SPATC1L: variants seen among roughly 807,000 people sequenced by gnomAD.
SPATC1L encodes spermatogenesis and centriole associated 1 like.
A neutral mutation model predicts 21.2 loss-of-function variants in SPATC1L; 20 were observed. That is an observed-to-expected ratio of 0.94 (90% confidence interval 0.66 to 1.37). The LOEUF (loss-of-function observed/expected upper bound fraction) is 1.37, where lower values mean the gene tolerates loss of function less well. SPATC1L is among the 40% of genes most tolerant of loss of function. The probability of loss-of-function intolerance (pLI) is 0.00; values close to 1 mark genes in which losing one functional copy is unlikely to be tolerated. For synonymous variants in SPATC1L, 290 were observed against 234.5 expected, an observed-to-expected ratio of 1.24 and a Z score of -2.16; for missense variants, 499 against 478.7, an observed-to-expected ratio of 1.04 and a Z score of -0.40.
chr21:46,182,554 C>T (rs2079682656), intron 2 of SPATC1L, 70 bp downstream of exon 2: 10 of 1,377,950 alleles, frequency 7.3e-6, no homozygotes, highest in Middle Eastern at 2.6e-4. Context: ...CCGCCACCCT[C>T]GACTCCCGGG....
intron 2 of SPATC1L, among the ~76,000 whole-genome samples, chr21:46,171,886 G>T (rs2079593013): frequency 7.5e-6 from 1 of 134,036 alleles, no homozygotes. Flanking sequence ...GCTCAATTAG[G>T]TTTCAAAATT....
At chr21:46,162,374 G>A (rs537893637) in intron 3 of SPATC1L, among the ~76,000 whole-genome samples, 2 of 152,072 alleles carry the variant, frequency 1.3e-5, no homozygotes, top group South Asian at 4.1e-4. Context: ...CGGCCCCTGC[G>A]AGGACAGAGG....
intron 2 of SPATC1L, among the ~76,000 whole-genome samples, chr21:46,179,090 AAT>A (rs528114257): frequency 0.11 from 11,748 of 106,364 alleles, 502 homozygotes; most frequent in African/African-American, 0.18. Flanking sequence ...AAAAAAAAAA[AAT>A]TTTTAACTAG....
At position 46,182,518 on chromosome 21, in the gene SPATC1L, C is replaced by T. The variant is rs75252048; in HGVS notation, c.193+106G>A. 2.9e-4 allele frequency: 319 copies of T among 1,103,126 alleles called. 2 individuals are homozygous for T. The East Asian group carries it at 3.9e-3, about 13-fold the overall frequency. 68.3% of individuals were successfully genotyped at this position (1,103,126 alleles called of 1,614,324 possible). A position where few individuals can be genotyped will look rare whatever the true frequency, so the allele number is the denominator to read the frequency against. ...CAGACCTGAGGGTGTGAAAGGTGCC[C>T]GTGACCTCCCGCATCAGGGAGCTGG... is the stretch of plus-strand genomic sequence containing the variant. On this transcript the variant is annotated intron_variant, in intron 2 of 4. Coordinates refer to ENST00000291672, the MANE Select transcript of SPATC1L (RefSeq NM_001142854.2).
chr21:46,168,493 G>A lies in SPATC1L; in HGVS notation c.359C>T (p.Pro120Leu). The A allele has an allele frequency of 3.2e-6, 5 of 1,564,270 alleles. No individual in the cohort carries two copies. In the Admixed American group the frequency reaches 9.5e-5, roughly 30 times the overall value. The change falls in exon 3 of 5, where the codon CCC becomes CTC. Residue 120 changes from proline (P) to leucine (L), a missense_variant. Coordinates refer to ENST00000291672, the MANE Select transcript of SPATC1L (RefSeq NM_001142854.2). ...SQAPFKAFLS[P>L]PEPHSHRGTD... Reference sequence around the variant, plus strand: ...GCCTCGGTGGCTATGTGGCTCTGGGGGACTGAGGAAGGCCTTGAAGGGTGC... The same window carrying A: ...GCCTCGGTGGCTATGTGGCTCTGGGAGACTGAGGAAGGCCTTGAAGGGTGC...
At chr21:46,179,381 T>TA (rs903004149) in intron 2 of SPATC1L, among the ~76,000 whole-genome samples, 6 of 151,696 alleles carry the variant, frequency 4.0e-5, no homozygotes, top group African/African-American at 7.3e-5. Context: ...TCCATAAAAG[T>TA]AAAAAAAATC....
At chr21:46,164,530 A>G (rs1466154640) in intron 3 of SPATC1L, among the ~76,000 whole-genome samples, 2 of 152,022 alleles carry the variant, frequency 1.3e-5, no homozygotes, top group African/African-American at 4.8e-5. Flanking sequence ...GCGGTGGCTC[A>G]TGCCTGTAAT....
At chr21:46,167,363 G>A (rs1419985955) in intron 3 of SPATC1L, among the ~76,000 whole-genome samples, 1 of 147,468 alleles carries the variant, frequency 6.8e-6, no homozygotes, top group Non-Finnish European at 1.5e-5. Flanking sequence ...CTTCAAATAA[G>A]CTAATGATTC....
intron 3 of SPATC1L, among the ~76,000 whole-genome samples, chr21:46,166,832 G>C (rs1383260750): frequency 6.6e-6 from 1 of 152,182 alleles, no homozygotes; most frequent in Non-Finnish European, 1.5e-5. Flanking sequence ...ATAGTAACTG[G>C]AGACTTCAAT....
chr21:46,184,026 C>T (rs2079704389), intron 1 of SPATC1L, among the ~76,000 whole-genome samples: 1 of 132,860 alleles, frequency 7.5e-6, no homozygotes, highest in Non-Finnish European at 1.7e-5. Context: ...CCCACGATGG[C>T]CCCCACATGC....
chr21:46,182,633 C>CGGGGGAGCCGGCCTCA lies in SPATC1L; in HGVS notation c.168_183dup (p.Gly62Ter). On this transcript the variant is annotated stop_gained and frameshift_variant, in exon 2 of 5. Coordinates refer to ENST00000291672, the MANE Select transcript of SPATC1L (RefSeq NM_001142854.2). LOFTEE classifies it high-confidence loss of function. ...CTGGGCGGCGCCTCACCTCCGCTCC[C>CGGGGGAGCCGGCCTCA]GGGGGAGCCGGCCTCAGGGTAGGCA... 6.6e-7 allele frequency: 1 copy of CGGGGGAGCCGGCCTCA among 1,513,600 alleles called. No individual in the cohort carries two copies. Among genetic ancestry groups the CGGGGGAGCCGGCCTCA allele is most frequent in the East Asian group, 2.5e-5 (1 of 39,956 alleles). 93.8% of individuals were successfully genotyped at this position (1,513,600 alleles called of 1,614,324 possible).
At chr21:46,178,292 T>C (rs2079647535) in intron 2 of SPATC1L, among the ~76,000 whole-genome samples, 1 of 144,040 alleles carries the variant, frequency 6.9e-6, no homozygotes, top group Non-Finnish European at 1.5e-5. Flanking sequence ...TGAACATGGA[T>C]GGAGCTGGAG....
At chr21:46,181,337 C>T (rs2079671575) in intron 2 of SPATC1L, among the ~76,000 whole-genome samples, 2 of 152,168 alleles carry the variant, frequency 1.3e-5, no homozygotes, top group South Asian at 2.1e-4. Flanking sequence ...CCCCAGGCGC[C>T]AGGTTCCCCA....
intron 2 of SPATC1L, among the ~76,000 whole-genome samples, chr21:46,172,618 C>T (rs1449407447): frequency 3.3e-5 from 5 of 152,212 alleles, no homozygotes; most frequent in Non-Finnish European, 5.9e-5. Context: ...GAGGAGGCCC[C>T]ATGAAAGTCA....
rs778358377 is a variant in SPATC1L at position 46,161,937 on chromosome 21, G to A, written c.675C>T (p.Asn225=). ...GCACCTGCTCGATCTTCTCGGGGAT[G>A]TTGGCCACCGTGAAGCCGTAGAGCC... ...VTRLYGFTVA[N]IPEKIEQTST... Residue 225 remains asparagine, a synonymous_variant, in exon 4 of 5, where the codon AAC becomes AAT. Coordinates refer to ENST00000291672, the MANE Select transcript of SPATC1L (RefSeq NM_001142854.2). 2 of 1,607,752 alleles carry A rather than the reference G, an allele frequency of 1.2e-6. No individual in the cohort carries two copies. Among genetic ancestry groups the A allele is most frequent in the Non-Finnish European group, 1.7e-6 (2 of 1,179,406 alleles).
chr21:46,166,612 A>G (rs1300146533), intron 3 of SPATC1L, among the ~76,000 whole-genome samples: 1 of 152,222 alleles, frequency 6.6e-6, no homozygotes, highest in Non-Finnish European at 1.5e-5. Flanking sequence ...ATGAGAACCA[A>G]AAAAGAGCAG....
intron 2 of SPATC1L, among the ~76,000 whole-genome samples, chr21:46,172,215 G>C (rs1405227516): frequency 6.6e-6 from 1 of 150,594 alleles, no homozygotes; most frequent in African/African-American, 2.5e-5. Context: ...TGAGGCGGGG[G>C]TTGTGCAGAG....
intron 3 of SPATC1L, among the ~76,000 whole-genome samples, chr21:46,167,503 G>A (rs568325766): frequency 5.9e-5 from 9 of 152,094 alleles, no homozygotes; most frequent in African/African-American, 9.7e-5. Context: ...ACAAAAAATC[G>A]GTTATTTGAA....
chr21:46,162,315 C>G (rs372920964), intron 3 of SPATC1L, among the ~76,000 whole-genome samples: 1 of 152,178 alleles, frequency 6.6e-6, no homozygotes, highest in Non-Finnish European at 1.5e-5. Flanking sequence ...ACCTTTTAAT[C>G]TCGGGGGTGG....
Sources: gnomAD v4.1 joint callset for allele counts (sites outside exome capture counted in the v4.1 genomes callset) on GRCh38, gnomAD v4.1.1 for gene constraint, MANE v1.5 for transcripts, NCBI Gene and HGNC (gene_info 2026-07-23, HGNC 2026-07-21) for gene names.